The following NDUFC1 variants were observed in gnomAD, a reference collection of about 807,000 sequenced individuals.
NDUFC1 encodes the protein NADH dehydrogenase [ubiquinone] 1 subunit C1, mitochondrial.
A neutral mutation model predicts 11.6 loss-of-function variants in NDUFC1; 11 were observed. That is an observed-to-expected ratio of 0.95 (90% CI 0.60 to 1.58). The LOEUF (loss-of-function observed/expected upper bound fraction) is 1.58. Among genes scored for constraint, NDUFC1 ranks in the 40% most tolerant of loss-of-function variants. The pLI is 0.00. For missense variants in NDUFC1, 112 were observed against 93.0 expected (o/e 1.20, Z -0.84); for synonymous variants, 52 against 42.2 (o/e 1.23, Z -0.90).
At chr4:139,296,324 A>C (rs1247270017) in intron 2 of NDUFC1, 1 of 153,608 alleles carries the variant, frequency 6.5e-6, no homozygotes, top group Non-Finnish European at 1.5e-5. Context: ...AGATCTCTTA[A>C]CACTTACCAC....
At chr4:139,296,002 G>T in intron 2 of NDUFC1, 42 bp from the exon 3 acceptor site, 1 of 531,484 alleles carries the variant, frequency 1.9e-6, no homozygotes, top group East Asian at 3.5e-5. Flanking sequence ...AAAGAAAAAA[G>T]AGTTTACCTA....
intron 1 of NDUFC1, among the ~76,000 whole-genome samples, chr4:139,299,561 A>G (rs909086439): frequency 2.6e-5 from 4 of 152,232 alleles, no homozygotes; most frequent in Admixed American, 2.6e-4. Flanking sequence ...TGTTACTTAC[A>G]GTATAACTCA....
chr4:139,297,746 AT>A (rs1340375233), intron 1 of NDUFC1, among the ~76,000 whole-genome samples: 5 of 152,366 alleles, frequency 3.3e-5, no homozygotes, highest in African/African-American at 1.2e-4. Flanking sequence ...TTGATACAGC[AT>A]GCATGAGAAT....
chr4:139,302,026 C>A, intron 1 of NDUFC1: 1 of 496,942 alleles, frequency 2.0e-6, no homozygotes. Flanking sequence ...GGACCACAGG[C>A]TTCTTCATTC....
At chr4:139,298,974 A>G (rs1305402821) in intron 1 of NDUFC1, among the ~76,000 whole-genome samples, 8 of 149,732 alleles carry the variant, frequency 5.3e-5, no homozygotes, top group Admixed American at 4.7e-4. Flanking sequence ...TGCCTGGCCT[A>G]TGTTTTTTTT....
At chr4:139,291,872 T>C (rs1219699028) in intron 5 of NDUFC1, among the ~76,000 whole-genome samples, 2 of 151,816 alleles carry the variant, frequency 1.3e-5, no homozygotes, top group African/African-American at 4.8e-5. Flanking sequence ...AGTCTCACTC[T>C]GTCACCCAGG....
chr4:139,295,915 T>C lies in NDUFC1; in HGVS notation c.-117A>G, dbSNP rs1745452344. On this transcript the variant is annotated 5_prime_UTR_variant, in exon 3 of 6. Coordinates refer to ENST00000394223, the MANE Select transcript of NDUFC1 (RefSeq NM_001184989.2). The stretch of plus-strand genomic sequence containing the variant: ...AGCTCCGTGGGGGCGTCAACGTGAA[T>C]TCCAGCACGGCAAGGTTCTCTAGCA... The C allele has an allele frequency of 9.5e-7, 1 of 1,048,236 alleles. No individual in the cohort carries two copies. Among genetic ancestry groups the C allele is most frequent in the African/African-American group, 1.7e-5 (1 of 59,692 alleles). The allele number at this position is 1,048,236 out of a possible 1,614,324, so 64.9% of individuals were successfully genotyped here.
chr4:139,299,972 G>T lies in NDUFC1; in HGVS notation c.-222+2444C>A, dbSNP rs532754710. On this transcript the variant is annotated intron_variant, in intron 1 of 5. Transcript: ENST00000394223. The stretch of plus-strand genomic sequence containing the variant: ...AGCCAGAAATTTGGATATGAAGCCA[G>T]AGATTTGGAAATCCAAGCTAAAACT... Among the ~76,000 whole-genome samples, 4 of 152,294 alleles carry T rather than the reference G, an allele frequency of 2.6e-5. No homozygotes were observed. The South Asian group carries it at 8.3e-4, about 32-fold the overall frequency.
intron 1 of NDUFC1, among the ~76,000 whole-genome samples, chr4:139,297,881 T>A (rs987163800): frequency 3.3e-5 from 5 of 152,118 alleles, no homozygotes; most frequent in Non-Finnish European, 5.9e-5. Context: ...CTGTGCAACA[T>A]AGGTAGATAA....
chr4:139,301,427 G>A, intron 1 of NDUFC1: 1 of 434,740 alleles, frequency 2.3e-6, no homozygotes, highest in Non-Finnish European at 4.1e-6. Context: ...ACCCAGAGGA[G>A]GTGGGGAAAG....
chr4:139,290,318 T>C (rs942005202), intron 5 of NDUFC1, among the ~76,000 whole-genome samples: 12 of 99,528 alleles, frequency 1.2e-4, no homozygotes, highest in Non-Finnish European at 1.9e-4. Flanking sequence ...TTTTTACCTC[T>C]TTTTTTTTTT....
intron 5 of NDUFC1, among the ~76,000 whole-genome samples, chr4:139,292,133 G>A (rs1745250892): frequency 6.6e-6 from 1 of 152,132 alleles, no homozygotes; most frequent in African/African-American, 2.4e-5. Flanking sequence ...CACCGCGCCT[G>A]GCAGATTTTG....
intron 4 of NDUFC1, 71 bp downstream of exon 4, chr4:139,294,972 A>G (rs1745394200): frequency 1.8e-6 from 2 of 1,139,186 alleles, no homozygotes; most frequent in East Asian, 2.4e-5. Context: ...GCACCATTCA[A>G]TCTCGCAATG....
intron 1 of NDUFC1, chr4:139,301,441 G>T: frequency 2.3e-6 from 1 of 438,770 alleles, no homozygotes; most frequent in Non-Finnish European, 4.0e-6. Flanking sequence ...GGGAAAGGAG[G>T]TCACCGCGCC....
intron 5 of NDUFC1, among the ~76,000 whole-genome samples, 196 bp downstream of exon 5, chr4:139,292,334 A>AAC (rs1745260367): frequency 6.8e-6 from 1 of 147,436 alleles, no homozygotes; most frequent in African/African-American, 2.6e-5. Context: ...AACAAAAAAA[A>AAC]CCCCATCCCC....
intron 5 of NDUFC1, among the ~76,000 whole-genome samples, chr4:139,292,225 CT>C (rs1745254017): frequency 6.6e-6 from 1 of 152,166 alleles, no homozygotes; most frequent in African/African-American, 2.4e-5. Context: ...ATTCTTGAGG[CT>C]AGCAAAGTGG....
intron 1 of NDUFC1, chr4:139,301,425 G>T: frequency 2.3e-6 from 1 of 434,944 alleles, no homozygotes; most frequent in South Asian, 5.4e-5. Context: ...AAACCCAGAG[G>T]AGGTGGGGAA....
Position 139,292,623 on chromosome 4 carries a change from A to T in NDUFC1, c.172-14T>A. The T allele has an allele frequency of 6.7e-7, 1 of 1,481,688 alleles. No homozygotes were observed. The highest frequency in any genetic ancestry group is 9.3e-7 in the Non-Finnish European group (1 of 1,077,678). 91.8% of individuals were successfully genotyped at this position (1,481,688 alleles called of 1,614,324 possible). On this transcript the variant is annotated splice_polypyrimidine_tract_variant and intron_variant, in intron 4 of 5. Transcript: ENST00000394223. ...TTGTTTGATGAGCTACAAAGAGTTAAACAGTTAAAATTAGAAATGTAATCT... is the reference window on the plus strand; with the variant it reads ...TTGTTTGATGAGCTACAAAGAGTTATACAGTTAAAATTAGAAATGTAATCT...
Position 139,295,137 on chromosome 4 carries a change from C to T in NDUFC1, c.77G>A (p.Arg26Gln). 4 of 1,614,084 alleles carry T rather than the reference C, an allele frequency of 2.5e-6. No homozygotes were observed. Among genetic ancestry groups the T allele is most frequent in the South Asian group, 2.2e-5 (2 of 91,082 alleles). Residue 26 changes from arginine to glutamine, a missense_variant, in exon 4 of 6, where the codon CGA becomes CAA. By Grantham distance (43) the Arg-to-Gln change is conservative. Transcript: ENST00000394223. ...PARLPSGPSV[R>Q]SKFYVREPPN... ...CGGCTCTCGCACGTAGAACTTTGAT[C>T]GCACTGAAGCTGAAAGGGGAAGAGG...
Sources: gnomAD v4.1 joint callset for allele counts (sites outside exome capture counted in the v4.1 genomes callset) on GRCh38, gnomAD v4.1.1 for gene constraint, MANE v1.5 for transcripts, NCBI Gene and HGNC (gene_info 2026-07-23, HGNC 2026-07-21) for gene names.